Variants in EPHA3 observed in about 807,000 individuals in gnomAD.
EPHA3 encodes EPH receptor A3.
Under a neutral mutation model 107.1 loss-of-function variants are expected in EPHA3, and 42 were observed. That is an observed-to-expected ratio of 0.39 (90% CI 0.31 to 0.51). EPHA3 has a LOEUF of 0.51. EPHA3 is among the 20% of genes least tolerant of loss of function. The probability of loss-of-function intolerance (pLI) is 0.78; values close to 1 mark genes in which losing one functional copy is unlikely to be tolerated. For synonymous variants in EPHA3, 461 were observed against 424.8 expected (o/e 1.09, Z -1.05); for missense variants, 1,183 against 1,211.2 (o/e 0.98, Z 0.35).
chr3:89,166,886 C>T (rs1314112366), intron 2 of EPHA3, among the ~76,000 whole-genome samples: 2 of 152,042 alleles, frequency 1.3e-5, no homozygotes, highest in Non-Finnish European at 2.9e-5. Flanking sequence ...GCACAGCAAC[C>T]CAGCAAGTAT....
rs1444361378 is a variant in EPHA3, at chr3:89,348,530, C to T, written c.1306+6440C>T. 5.8e-5 allele frequency among the ~76,000 whole-genome samples: 8 copies of T among 137,898 alleles called. No homozygotes were observed. The South Asian group carries it at 6.7e-4, about 12-fold the overall frequency. 90.5% of individuals were successfully genotyped at this position (137,898 alleles called of 152,430 possible). On this transcript the variant is annotated intron_variant, in intron 5 of 16. Coordinates refer to ENST00000336596, the MANE Select transcript of EPHA3 (RefSeq NM_005233.6). ...TTTTTTTCTTTATTAGTCTTGCTAG[C>T]GGTCTATCAATTTTGTTGATCCTCT...
At chr3:89,290,977 A>G (rs901996563) in intron 3 of EPHA3, among the ~76,000 whole-genome samples, 1 of 152,172 alleles carries the variant, frequency 6.6e-6, no homozygotes, top group Non-Finnish European at 1.5e-5. Context: ...TGAGTGACAG[A>G]TAGCTCGGTT....
intron 5 of EPHA3, among the ~76,000 whole-genome samples, chr3:89,369,746 C>G (rs1708255543): frequency 6.7e-6 from 1 of 148,288 alleles, no homozygotes; most frequent in Non-Finnish European, 1.5e-5. Flanking sequence ...AAAATTTTCG[C>G]AACCTACTCA....
At chr3:89,136,589 A>G (rs181406500) in intron 2 of EPHA3, among the ~76,000 whole-genome samples, 13 of 151,758 alleles carry the variant, frequency 8.6e-5, no homozygotes, top group Admixed American at 5.3e-4. Context: ...ATTGGATTAG[A>G]ATTTTAAAAA....
intron 2 of EPHA3, among the ~76,000 whole-genome samples, chr3:89,173,971 A>G (rs1026758442): frequency 3.3e-5 from 5 of 152,034 alleles, no homozygotes; most frequent in Admixed American, 2.0e-4. Context: ...TTCCCAAATC[A>G]CACGTGTGTC....
chr3:89,460,821 CTCTT>C (rs1334118955), intron 15 of EPHA3, among the ~76,000 whole-genome samples: 1 of 116,360 alleles, frequency 8.6e-6, no homozygotes, highest in African/African-American at 3.7e-5. Flanking sequence ...CTCTCTGTCT[CTCTT>C]TTTTTTTTTT....
intron 5 of EPHA3, among the ~76,000 whole-genome samples, chr3:89,357,586 A>G (rs1404884866): frequency 2.0e-5 from 3 of 151,338 alleles, no homozygotes; most frequent in Non-Finnish European, 3.0e-5. Flanking sequence ...AATGAAGTAC[A>G]TGTTATGGAT....
intron 5 of EPHA3, among the ~76,000 whole-genome samples, chr3:89,386,587 C>T (rs1469294205): frequency 6.6e-6 from 1 of 152,224 alleles, no homozygotes; most frequent in Non-Finnish European, 1.5e-5. Flanking sequence ...GAGACCTCTG[C>T]AAGGGCAGTG....
intron 6 of EPHA3, among the ~76,000 whole-genome samples, chr3:89,398,617 G>A (rs1407557395): frequency 6.7e-6 from 1 of 148,734 alleles, no homozygotes; most frequent in Non-Finnish European, 1.5e-5. Flanking sequence ...AATCAATAGA[G>A]CATTCCTATT....
At chr3:89,473,773 GA>G (rs904067957) in intron 16 of EPHA3, among the ~76,000 whole-genome samples, 2 of 152,102 alleles carry the variant, frequency 1.3e-5, no homozygotes, top group African/African-American at 4.8e-5. Context: ...ATCTTCAAAA[GA>G]AGTAGAATGA....
intron 1 of EPHA3, among the ~76,000 whole-genome samples, chr3:89,116,571 T>A (rs1388286544): frequency 6.6e-6 from 1 of 152,112 alleles, no homozygotes; most frequent in African/African-American, 2.4e-5. Context: ...ATTATATTTT[T>A]CATGTGGGTA....
chr3:89,251,270 T>C (rs1705160535), intron 3 of EPHA3, among the ~76,000 whole-genome samples: 1 of 152,082 alleles, frequency 6.6e-6, no homozygotes, highest in South Asian at 2.1e-4. Flanking sequence ...ATAAACCCTC[T>C]TGAATATAAA....
intron 5 of EPHA3, among the ~76,000 whole-genome samples, chr3:89,348,100 G>A (rs1402813352): frequency 3.8e-4 from 57 of 148,110 alleles, no homozygotes; most frequent in African/African-American, 1.3e-3. Context: ...TCTCTGCCCG[G>A]CTTTGGTATC....
chr3:89,376,585 T>C (rs1184788345), intron 5 of EPHA3, among the ~76,000 whole-genome samples: 1 of 152,024 alleles, frequency 6.6e-6, no homozygotes, highest in Non-Finnish European at 1.5e-5. Flanking sequence ...ATCAAATATT[T>C]GTGCCCATAT....
chr3:89,374,913 AT>A, intron 5 of EPHA3, among the ~76,000 whole-genome samples: 1 of 151,974 alleles, frequency 6.6e-6, no homozygotes, highest in East Asian at 1.9e-4. Context: ...AAACCTCTAT[AT>A]AACACCACAA....
chr3:89,262,890 G>A (rs1344206049), intron 3 of EPHA3, among the ~76,000 whole-genome samples: 1 of 150,560 alleles, frequency 6.6e-6, no homozygotes, highest in East Asian at 2.0e-4. Context: ...AGCTAACTCC[G>A]TTCAGGCCCC....
In EPHA3 at chr3:89,165,210, A is replaced by G. The variant is rs547188767; in HGVS notation, c.153+37937A>G. On this transcript the variant is annotated intron_variant, in intron 2 of 16. Transcript: ENST00000336596. ...CATTTCTTTTGTAGCTACAATTGAA[A>G]CTCTGGGAAAGCTGAATGAGAACAC... Among the ~76,000 whole-genome samples the G allele has an allele frequency of 1.8e-3, 272 of 152,198 alleles. 1 individual carries two copies. The highest frequency in any genetic ancestry group is 3.1e-3 in the Non-Finnish European group (209 of 67,998).
At chr3:89,260,765 A>G (rs1251429340) in intron 3 of EPHA3, among the ~76,000 whole-genome samples, 2 of 152,184 alleles carry the variant, frequency 1.3e-5, no homozygotes, top group Non-Finnish European at 2.9e-5. Context: ...ACAGAACATA[A>G]TATTACTCCT....
At chr3:89,116,936 T>C (rs1219507124) in intron 1 of EPHA3, among the ~76,000 whole-genome samples, 3 of 152,114 alleles carry the variant, frequency 2.0e-5, no homozygotes, top group Non-Finnish European at 4.4e-5. Context: ...GATTTTTTTA[T>C]ATTTATATTT....
Sources: allele counts gnomAD v4.1 joint callset (sites outside exome capture counted in the v4.1 genomes callset), GRCh38; gene constraint gnomAD v4.1.1; transcripts MANE v1.5; gene names NCBI Gene and HGNC (gene_info 2026-07-23, HGNC 2026-07-21).